The following ZNF461 variants were observed in gnomAD, a reference collection of about 807,000 sequenced individuals.
ZNF461 encodes zinc finger protein 461.
In ZNF461, 16 loss-of-function variants were observed where a neutral mutation model predicts 18.3. That is an observed-to-expected ratio of 0.88 (90% CI 0.59 to 1.33). The LOEUF is 1.33. Among genes scored for constraint, ZNF461 ranks in the 40% most tolerant of loss-of-function variants. The pLI is 0.00. For synonymous variants in ZNF461, 179 were observed against 216.9 expected (o/e 0.83, Z 1.54); for missense variants, 595 against 669.9 (o/e 0.89, Z 1.23).
In ZNF461 at chr19:36,643,802, A is replaced by G; in HGVS notation, c.293T>C (p.Ile98Thr). The change falls in exon 5 of 6, where the codon ATA (isoleucine) becomes ACA (threonine). Residue 98 changes from isoleucine to threonine, a missense_variant. By Grantham distance (89) the Ile-to-Thr change is moderately conservative (BLOSUM62 -1). Coordinates refer to ENST00000588268, the MANE Select transcript of ZNF461 (RefSeq NM_153257.5). ...NFLDNNEATD[I>T]NADLASRDEP... ...ACTGTATTTATTTATACCTGCATTT[A>G]TGTCTGTAGCCTCATTATTGTCCAA... The G allele has an allele frequency of 6.5e-7, 1 of 1,537,770 alleles. No homozygotes were observed. Among genetic ancestry groups the G allele is most frequent in the Non-Finnish European group, 8.8e-7 (1 of 1,140,538 alleles).
chr19:36,654,332 CA>C (rs900402028), intron 4 of ZNF461, among the ~76,000 whole-genome samples: 3 of 152,058 alleles, frequency 2.0e-5, no homozygotes, highest in African/African-American at 7.2e-5. Flanking sequence ...TGGCTTAAAA[CA>C]ACACAAATGT....
rs181305117 is a variant in ZNF461 at position 36,645,026 on chromosome 19, C to T, written c.233-1164G>A. 962 of 152,288 alleles carry T rather than the reference C, an allele frequency of 6.3e-3. 6 individuals carry two copies. The highest frequency in any genetic ancestry group is 0.01 in the Non-Finnish European group (710 of 68,162). 9.4% of individuals were successfully genotyped at this position (152,288 alleles called of 1,614,324 possible). On this transcript the variant is annotated intron_variant, in intron 4 of 5. Transcript: ENST00000588268. ...TTGAGTCCTGGAGTTTGAGACCAGC[C>T]TGGACAACATAGTGAGACCTTGTCT...
chr19:36,654,103 A>C (rs2037675833), intron 4 of ZNF461, among the ~76,000 whole-genome samples: 1 of 152,114 alleles, frequency 6.6e-6, no homozygotes, highest in Admixed American at 6.5e-5. Context: ...TCCCCTGTAC[A>C]TTTCTTTGCA....
At chr19:36,650,480 C>T (rs1049103226) in intron 4 of ZNF461, among the ~76,000 whole-genome samples, 1 of 152,090 alleles carries the variant, frequency 6.6e-6, no homozygotes, top group Admixed American at 6.6e-5. Context: ...TCTCTAGGTT[C>T]AGACAGTTGC....
intron 4 of ZNF461, among the ~76,000 whole-genome samples, chr19:36,644,371 C>T (rs1408021075): frequency 3.3e-5 from 5 of 152,034 alleles, no homozygotes; most frequent in African/African-American, 1.2e-4. Flanking sequence ...CAGGTTCAAG[C>T]GATTCTCCTG....
In ZNF461 at chr19:36,638,545, A is replaced by T; in HGVS notation, c.*108T>A. ...GTTATCCACTTTCTCACTTAAAAAC[A>T]TTTGATTTTCAAGGATTATTTAAAT... is the stretch of plus-strand genomic sequence containing the variant. On this transcript the variant is annotated 3_prime_UTR_variant, in exon 6 of 6. Transcript: ENST00000588268. The T allele has an allele frequency of 1.1e-6, 1 of 917,068 alleles. No individual in the cohort carries two copies. Among genetic ancestry groups the T allele is most frequent in the Non-Finnish European group, 1.6e-6 (1 of 639,904 alleles). 56.8% of individuals were successfully genotyped at this position (917,068 alleles called of 1,614,324 possible). A position where few individuals can be genotyped will look rare whatever the true frequency, so the allele number is the denominator to read the frequency against.
Position 36,640,018 on chromosome 19 carries a change from C to T in ZNF461, c.327G>A (p.Gln109=), listed in dbSNP as rs2037395825. 6.2e-7 allele frequency: 1 copy of T among 1,609,966 alleles called. No individual in the cohort carries two copies. Among genetic ancestry groups the T allele is most frequent in the South Asian group, 1.1e-5 (1 of 90,690 alleles). Residue 109 remains glutamine (Q), a synonymous_variant, in exon 6 of 6, where the codon CAG becomes CAA. Transcript: ENST00000588268. ...NADLASRDEP[Q]KLSPKRDIYE... ...AAATATCCCTTTTTGGAGATAACTT[C>T]TGGGGCTCATCTCTGGATGCCAAGT...
intron 2 of ZNF461, among the ~76,000 whole-genome samples, chr19:36,663,516 A>ATTTTTTTTTTTTTTTTTTTTTG (rs2037851679): frequency 7.7e-6 from 1 of 129,890 alleles, no homozygotes; most frequent in African/African-American, 2.8e-5. Flanking sequence ...TTATTATGTA[A>ATTTTTTTTTTTTTTTTTTTTTG]TTTTTTTTTT....
At chr19:36,649,256 G>A (rs1253035262) in intron 4 of ZNF461, among the ~76,000 whole-genome samples, 2 of 152,114 alleles carry the variant, frequency 1.3e-5, no homozygotes, top group Non-Finnish European at 2.9e-5. Flanking sequence ...ATCTGACAAA[G>A]ACTTTAAAAC....
At chr19:36,654,929 A>G (rs1338447544) in intron 4 of ZNF461, among the ~76,000 whole-genome samples, 1 of 152,184 alleles carries the variant, frequency 6.6e-6, no homozygotes, top group African/African-American at 2.4e-5. Flanking sequence ...TAGATTGAAA[A>G]CGTCTCTATA....
chr19:36,659,150 G>A (rs1052654595), intron 2 of ZNF461, among the ~76,000 whole-genome samples: 1 of 152,140 alleles, frequency 6.6e-6, no homozygotes. Flanking sequence ...GCTCTCCATG[G>A]GAGAGCTCAT....
chr19:36,646,023 T>G (rs1351147450), intron 4 of ZNF461, among the ~76,000 whole-genome samples: 1 of 151,982 alleles, frequency 6.6e-6, no homozygotes, highest in East Asian at 1.9e-4. Flanking sequence ...GACCTCATGA[T>G]CCACCCGCCT....
chr19:36,666,694 A>G lies in ZNF461; in HGVS notation c.-85T>C, dbSNP rs2037950788. On this transcript the variant is annotated 5_prime_UTR_variant, in exon 1 of 6. Transcript: ENST00000588268. ...TGGTGAGCCAGGATTTCTTACCTTC[A>G]GCATTCTCAGGGAAGGCTCTGGTCC... 6.6e-6 allele frequency: 1 copy of G among 152,442 alleles called. No individual in the cohort carries two copies. The highest frequency in any genetic ancestry group is 1.5e-5 in the Non-Finnish European group (1 of 68,274). The allele number at this position is 152,442 out of a possible 1,614,324, so 9.4% of individuals were successfully genotyped here.
At chr19:36,644,819 A>G (rs569261850) in intron 4 of ZNF461, among the ~76,000 whole-genome samples, 5 of 151,090 alleles carry the variant, frequency 3.3e-5, no homozygotes, top group African/African-American at 1.2e-4. Flanking sequence ...CTGGTCTTGA[A>G]CTCCTGGCCT....
rs920185864 is a variant in ZNF461 at position 36,642,130 on chromosome 19, C to T, written c.301+1664G>A. On this transcript the variant is annotated intron_variant, in intron 5 of 5. Transcript: ENST00000588268. ...ATTTTTTGTAGAGAAAAGGCTCTCA[C>T]TTTGTTGCCCAGGCCGGTCTTGAAC... 8.5e-5 allele frequency among the ~76,000 whole-genome samples: 13 copies of T among 152,268 alleles called. No homozygotes were observed. The East Asian group carries it at 2.5e-3, about 29-fold the overall frequency.
chr19:36,645,754 A>G (rs2037515092), intron 4 of ZNF461, among the ~76,000 whole-genome samples: 1 of 152,170 alleles, frequency 6.6e-6, no homozygotes, highest in Non-Finnish European at 1.5e-5. Context: ...GTGGATATTC[A>G]GAATCCACTC....
chr19:36,660,201 G>A (rs1202423224), intron 2 of ZNF461, among the ~76,000 whole-genome samples: 1 of 144,814 alleles, frequency 6.9e-6, no homozygotes, highest in Admixed American at 7.1e-5. Context: ...CCAAGCTGGA[G>A]TGCAGTGGCA....
At chr19:36,643,112 A>G (rs2037457863) in intron 5 of ZNF461, among the ~76,000 whole-genome samples, 1 of 150,904 alleles carries the variant, frequency 6.6e-6, no homozygotes, top group Non-Finnish European at 1.5e-5. Flanking sequence ...ACACATACTT[A>G]TTTATGTACA....
At chr19:36,661,877 T>G (rs2037824340) in intron 2 of ZNF461, among the ~76,000 whole-genome samples, 2 of 152,180 alleles carry the variant, frequency 1.3e-5, no homozygotes, top group African/African-American at 4.8e-5. Flanking sequence ...TCTTTTTTAT[T>G]TATTTATTTT....
Sources: gnomAD v4.1 joint callset for allele counts (sites outside exome capture counted in the v4.1 genomes callset) on GRCh38, gnomAD v4.1.1 for gene constraint, MANE v1.5 for transcripts, NCBI Gene and HGNC (gene_info 2026-07-23, HGNC 2026-07-21) for gene names.